Variants in LRMDA observed in about 807,000 individuals in gnomAD.
LRMDA encodes the protein leucine-rich melanocyte differentiation-associated protein.
Under a neutral mutation model 29.8 loss-of-function variants are expected in LRMDA, and 18 were observed. That is an observed-to-expected ratio of 0.60 (90% CI 0.42 to 0.90). The LOEUF is 0.90. LRMDA is among the 40% of genes least tolerant of loss of function. The probability of loss-of-function intolerance (pLI) is 0.00; values close to 1 mark genes in which losing one functional copy is unlikely to be tolerated. For missense variants in LRMDA, 273 were observed against 273.9 expected, an observed-to-expected ratio of 1.00 and a Z score of 0.02; for synonymous variants, 125 against 109.4, an observed-to-expected ratio of 1.14 and a Z score of -0.89.
intron 2 of LRMDA, among the ~76,000 whole-genome samples, chr10:75,441,481 G>T (rs181753422): frequency 3.9e-5 from 6 of 152,326 alleles, no homozygotes; most frequent in Admixed American, 3.9e-4. Flanking sequence ...AGAGGGCTGG[G>T]TGGTAATTGT....
intron 6 of LRMDA, chr10:76,464,819 G>A (rs564932244): frequency 6.6e-6 from 1 of 152,262 alleles, no homozygotes; most frequent in East Asian, 1.9e-4. Flanking sequence ...TAGGTAATGG[G>A]TGTGAATCTC....
intron 2 of LRMDA, among the ~76,000 whole-genome samples, chr10:75,502,924 C>T (rs183509700): frequency 1.4e-4 from 22 of 152,224 alleles, no homozygotes; most frequent in Admixed American, 3.9e-4. Flanking sequence ...TCTTCTCTTT[C>T]CTGTGTGGCC....
chr10:75,660,247 A>AT (rs1195959993), intron 2 of LRMDA, among the ~76,000 whole-genome samples: 1 of 152,080 alleles, frequency 6.6e-6, no homozygotes, highest in Non-Finnish European at 1.5e-5. Context: ...TGCTGACTCT[A>AT]TTTTTTCTTG....
At chr10:76,017,544 T>C (rs2132487085) in intron 2 of LRMDA, among the ~76,000 whole-genome samples, 1 of 152,386 alleles carries the variant, frequency 6.6e-6, no homozygotes, top group Non-Finnish European at 1.5e-5. Context: ...TGTTCTGTCC[T>C]TGGTCCTGAA....
At chr10:75,685,906 C>T (rs1842076165) in intron 2 of LRMDA, among the ~76,000 whole-genome samples, 1 of 152,156 alleles carries the variant, frequency 6.6e-6, no homozygotes, top group South Asian at 2.1e-4. Context: ...TATATGCCAG[C>T]TACAGTTCTA....
chr10:75,558,160 T>C (rs1840240270), intron 2 of LRMDA, among the ~76,000 whole-genome samples: 1 of 151,690 alleles, frequency 6.6e-6, no homozygotes, highest in African/African-American at 2.4e-5. Flanking sequence ...GTATGATTTT[T>C]TTTTTTTTTT....
intron 2 of LRMDA, among the ~76,000 whole-genome samples, chr10:75,455,542 C>G (rs2132034560): frequency 6.6e-6 from 1 of 152,312 alleles, no homozygotes; most frequent in East Asian, 1.9e-4. Flanking sequence ...AACATAGCGA[C>G]TCTGTCTACT....
chr10:75,556,096 GA>G (rs1212040073), intron 2 of LRMDA, among the ~76,000 whole-genome samples: 1 of 151,912 alleles, frequency 6.6e-6, no homozygotes, highest in Non-Finnish European at 1.5e-5. Context: ...GGGTGGGGGT[GA>G]ATGAAAAAAT....
chr10:76,113,159 T>A (rs556161040), intron 5 of LRMDA, among the ~76,000 whole-genome samples: 1 of 151,850 alleles, frequency 6.6e-6, no homozygotes, highest in East Asian at 1.9e-4. Flanking sequence ...ACATTGGGTG[T>A]CTCCTGTGGG....
At chr10:76,539,296 C>T (rs1257804851) in intron 6 of LRMDA, among the ~76,000 whole-genome samples, 1 of 152,128 alleles carries the variant, frequency 6.6e-6, no homozygotes, top group Non-Finnish European at 1.5e-5. Context: ...AGGTCTGTAT[C>T]ATGATGTCCA....
intron 2 of LRMDA, among the ~76,000 whole-genome samples, chr10:75,519,814 G>C (rs1845335217): frequency 6.6e-6 from 1 of 152,182 alleles, no homozygotes; most frequent in African/African-American, 2.4e-5. Context: ...GCAGTGGCTG[G>C]TACCGGTTGT....
chr10:75,719,772 T>C (rs1172602794), intron 2 of LRMDA, among the ~76,000 whole-genome samples: 1 of 152,150 alleles, frequency 6.6e-6, no homozygotes, highest in Non-Finnish European at 1.5e-5. Context: ...AGCTTGTCGG[T>C]TCTATTACAG....
intron 6 of LRMDA, among the ~76,000 whole-genome samples, chr10:76,351,283 CA>C (rs1186866851): frequency 6.6e-6 from 1 of 152,130 alleles, no homozygotes; most frequent in African/African-American, 2.4e-5. Context: ...TCAGGAATTT[CA>C]GGGAGAATAT....
chr10:76,310,810 A>C (rs1589422103), intron 5 of LRMDA, among the ~76,000 whole-genome samples: 1 of 152,354 alleles, frequency 6.6e-6, no homozygotes, highest in Admixed American at 6.5e-5. Context: ...ATGAATGTTA[A>C]GTCATGCTGG....
chr10:76,058,177 A>G (rs574351425), intron 4 of LRMDA, among the ~76,000 whole-genome samples: 43 of 152,252 alleles, frequency 2.8e-4, no homozygotes, highest in Non-Finnish European at 5.3e-4. Flanking sequence ...TGATTCCTCA[A>G]GGAAGCATTT....
At chr10:75,824,654 C>G (rs1000561005) in intron 2 of LRMDA, among the ~76,000 whole-genome samples, 1 of 152,178 alleles carries the variant, frequency 6.6e-6, no homozygotes, top group Admixed American at 6.5e-5. Context: ...CTGGCTTTTG[C>G]TCCCTCTTAT....
intron 5 of LRMDA, among the ~76,000 whole-genome samples, chr10:76,248,055 C>T (rs1254488521): frequency 3.3e-5 from 5 of 152,112 alleles, no homozygotes; most frequent in African/African-American, 7.2e-5. Flanking sequence ...CATTGGAAAA[C>T]GTGTGGCCTG....
intron 2 of LRMDA, among the ~76,000 whole-genome samples, chr10:75,749,184 C>T (rs145005914): frequency 6.6e-6 from 1 of 152,300 alleles, no homozygotes; most frequent in African/African-American, 2.4e-5. Flanking sequence ...TTTTCTTCCT[C>T]ATGATTTCCT....
At chr10:75,498,831 G>A (rs1845078685) in intron 2 of LRMDA, among the ~76,000 whole-genome samples, 1 of 152,124 alleles carries the variant, frequency 6.6e-6, no homozygotes, top group Non-Finnish European at 1.5e-5. Flanking sequence ...GATGGGGTGA[G>A]TTGGCAAAGT....
Sources: gnomAD v4.1 joint callset for allele counts (sites outside exome capture counted in the v4.1 genomes callset) on GRCh38, gnomAD v4.1.1 for gene constraint, MANE v1.5 for transcripts, NCBI Gene and HGNC (gene_info 2026-07-23, HGNC 2026-07-21) for gene names.